Variants in GLYR1 observed in about 807,000 individuals in gnomAD.
GLYR1 encodes glyoxylate reductase 1 homolog, also known as cytokine-like nuclear factor N-PAC.
Under a neutral mutation model 72.7 loss-of-function variants are expected in GLYR1, and 21 were observed. The observed-to-expected ratio is 0.29, with a 90% CI of 0.20 to 0.42. The LOEUF (loss-of-function observed/expected upper bound fraction) is 0.42, where lower values mean the gene tolerates loss of function less well. Ranked by LOEUF, GLYR1 falls within the 10% of genes least tolerant of loss-of-function variation. GLYR1 has a pLI of 1.00. For synonymous variants in GLYR1, 392 were observed against 270.2 expected (o/e 1.45, Z -4.42); for missense variants, 594 against 712.1 (o/e 0.83, Z 1.89).
intron 3 of GLYR1, among the ~76,000 whole-genome samples, chr16:4,835,017 T>C (rs1297648320): frequency 6.6e-6 from 1 of 152,080 alleles, no homozygotes; most frequent in Non-Finnish European, 1.5e-5. Flanking sequence ...ACACAACCAG[T>C]ATCAAGGATG....
intron 10 of GLYR1, among the ~76,000 whole-genome samples, chr16:4,815,517 C>A (rs1192468570): frequency 1.3e-5 from 2 of 152,162 alleles, no homozygotes; most frequent in African/African-American, 4.8e-5. Flanking sequence ...AAAATCACAT[C>A]ACCAAACATC....
rs140346622 is a variant in GLYR1 at position 4,835,417 on chromosome 16, A to G, written c.156-2505T>C. Among the ~76,000 whole-genome samples the G allele has an allele frequency of 2.1e-4, 32 of 152,394 alleles. 2 individuals are homozygous for G. In the East Asian group the frequency reaches 6.2e-3, roughly 29 times the overall value. ...TCCTCTTTACAACCATCTTCGAAAC[A>G]TTAAAATGGCTAAATGAACTGACAG... On this transcript the variant is annotated intron_variant, in intron 3 of 15. Coordinates refer to ENST00000321919, the MANE Select transcript of GLYR1 (RefSeq NM_032569.4).
At chr16:4,825,150 A>C (rs1288693623) in intron 5 of GLYR1, among the ~76,000 whole-genome samples, 3 of 152,188 alleles carry the variant, frequency 2.0e-5, no homozygotes, top group Non-Finnish European at 4.4e-5. Context: ...CAAAAGGGCC[A>C]ATCAGATTAT....
intron 1 of GLYR1, 39 bp from the exon 2 acceptor site, chr16:4,846,249 A>G (rs779116628): frequency 3.2e-5 from 52 of 1,610,690 alleles, no homozygotes; most frequent in Non-Finnish European, 4.0e-5. Flanking sequence ...GCCCTGCAAA[A>G]GCCAGTCCAT....
intron 3 of GLYR1, among the ~76,000 whole-genome samples, chr16:4,840,532 AACACAC>A (rs149789441): frequency 1.7e-4 from 26 of 151,310 alleles, no homozygotes; most frequent in African/African-American, 5.8e-4. Flanking sequence ...TTTTCAAACA[AACACAC>A]ACACACACAC....
chr16:4,842,013 G>A (rs1023251866), intron 3 of GLYR1, among the ~76,000 whole-genome samples: 3 of 152,010 alleles, frequency 2.0e-5, no homozygotes, highest in Non-Finnish European at 4.4e-5. Flanking sequence ...AGGCCGAGGC[G>A]GGCAGATCAC....
In GLYR1 at chr16:4,832,843, C is replaced by T. The variant is rs1283386649; in HGVS notation, c.225G>A (p.Lys75=). 2.5e-6 allele frequency: 4 copies of T among 1,613,626 alleles called. No individual in the cohort carries two copies. Among genetic ancestry groups the T allele is most frequent in the African/African-American group, 2.7e-5 (2 of 74,906 alleles). The change falls in exon 4 of 16, where the codon AAG becomes AAA. Residue 75 remains lysine, a synonymous_variant. Transcript: ENST00000321919. ...CTACCGCTTGCTGGAATCGTTTACC[C>T]TTGTTAATTTTTATCATTTCCTCTT... ...AHKEEMIKIN[K]GKRFQQAVDA...
At chr16:4,808,171 G>A (rs1269459894) in intron 15 of GLYR1, among the ~76,000 whole-genome samples, 1 of 151,502 alleles carries the variant, frequency 6.6e-6, no homozygotes, top group Non-Finnish European at 1.5e-5. Context: ...AAGAGGTGGG[G>A]GCTGCAGTGA....
Position 4,831,847 on chromosome 16 carries a change from A to G in GLYR1, c.537+132T>C, listed in dbSNP as rs74498145. The G allele has an allele frequency of 5.3e-6, 7 of 1,310,028 alleles. No individual in the cohort carries two copies. In the East Asian group the frequency reaches 1.7e-4, roughly 32 times the overall value. The allele number at this position is 1,310,028 out of a possible 1,614,324, so 81.2% of individuals were successfully genotyped here. On this transcript the variant is annotated intron_variant, in intron 5 of 15. Coordinates refer to ENST00000321919, the MANE Select transcript of GLYR1 (RefSeq NM_032569.4). ...CCGCACCTGCCCTGCAGGATTCTTG[A>G]GCACAGAATTCTGCTCCCACTCCAT...
intron 7 of GLYR1, 71 bp from the exon 8 acceptor site, chr16:4,821,668 A>C (rs1596339760): frequency 1.4e-6 from 2 of 1,429,444 alleles, no homozygotes; most frequent in East Asian, 4.5e-5. Context: ...TAATCCCCTC[A>C]AAGGTTAGAC....
chr16:4,846,829 G>C lies in GLYR1; in HGVS notation c.38+399C>G, dbSNP rs1362361185. 7 of 290,162 alleles carry C rather than the reference G, an allele frequency of 2.4e-5. No individual in the cohort carries two copies. In the East Asian group the frequency reaches 7.4e-4, roughly 31 times the overall value. 18.0% of individuals were successfully genotyped at this position (290,162 alleles called of 1,614,324 possible). On this transcript the variant is annotated intron_variant, in intron 1 of 15. Transcript: ENST00000321919. ...TCGGCTGCATCGCAACCTGGGCTTT[G>C]ACCGAATGGCACCGGCCAGATCTCG... is the stretch of plus-strand genomic sequence containing the variant.
intron 9 of GLYR1, among the ~76,000 whole-genome samples, chr16:4,818,166 T>G (rs1031356154): frequency 1.3e-5 from 2 of 152,182 alleles, no homozygotes; most frequent in African/African-American, 4.8e-5. Flanking sequence ...AGCTAATTTT[T>G]GTATTTTTAG....
Position 4,838,527 on chromosome 16 carries a change from A to C in GLYR1, c.156-5615T>G, listed in dbSNP as rs1043291721. ...GGTTGGTTTCTGGTGGCTTCTAAGCACCTGTAATTTAAATGAACACTCCCT... is the reference window on the plus strand; with the variant it reads ...GGTTGGTTTCTGGTGGCTTCTAAGCCCCTGTAATTTAAATGAACACTCCCT... On this transcript the variant is annotated intron_variant, in intron 3 of 15. Transcript: ENST00000321919. Among the ~76,000 whole-genome samples, 6 of 151,684 alleles carry C rather than the reference A, an allele frequency of 4.0e-5. No individual in the cohort carries two copies. The East Asian group carries it at 5.8e-4, about 15-fold the overall frequency.
At chr16:4,842,716 T>C (rs1363431240) in intron 3 of GLYR1, among the ~76,000 whole-genome samples, 1 of 151,862 alleles carries the variant, frequency 6.6e-6, no homozygotes, top group African/African-American at 2.4e-5. Context: ...TATTTATTTT[T>C]TGAGACAGAG....
rs149911812 is a variant in GLYR1, at chr16:4,806,735, A to G, written c.1588-1425T>C. Among the ~76,000 whole-genome samples the G allele has an allele frequency of 4.9e-3, 750 of 152,198 alleles. 5 individuals carry two copies. Among genetic ancestry groups the G allele is most frequent in the African/African-American group, 0.017 (713 of 41,534 alleles). The stretch of plus-strand genomic sequence containing the variant: ...GGATTTATACCGCAATCTGTAGAGT[A>G]ACCACTAAAAAAAGAATGCAGAGGC... On this transcript the variant is annotated intron_variant, in intron 15 of 15. Transcript: ENST00000321919.
At position 4,805,123 on chromosome 16, in the gene GLYR1, A is replaced by G; in HGVS notation, c.*113T>C. 1.2e-6 allele frequency: 1 copy of G among 853,498 alleles called. No individual in the cohort carries two copies. The highest frequency in any genetic ancestry group is 2.0e-6 in the Non-Finnish European group (1 of 507,790). The allele number at this position is 853,498 out of a possible 1,614,324, so 52.9% of individuals were successfully genotyped here. On this transcript the variant is annotated 3_prime_UTR_variant, in exon 16 of 16. Transcript: ENST00000321919. ...TGGCAAGTCTCAAAGTCTGTATAAAAGGAAATGGAGATAGGTGGGCTGGTC... is the reference window on the plus strand; with the variant it reads ...TGGCAAGTCTCAAAGTCTGTATAAAGGGAAATGGAGATAGGTGGGCTGGTC...
At chr16:4,825,942 G>A (rs137881301) in intron 5 of GLYR1, among the ~76,000 whole-genome samples, 9,822 of 152,284 alleles carry the variant, frequency 0.064, 343 homozygotes, top group Non-Finnish European at 0.085. Flanking sequence ...GTGAGCCACT[G>A]CACCCAGCCC....
Position 4,847,230 on chromosome 16 carries a change from C to T in GLYR1, c.36G>A (p.Val12=). Residue 12 remains valine, a splice_region_variant and synonymous_variant, in exon 1 of 16, where the codon GTG becomes GTA. Coordinates refer to ENST00000321919, the MANE Select transcript of GLYR1 (RefSeq NM_032569.4). The part of the protein sequence containing the change: ...AAVSLRLGDL[V]WGKLGRYPPW... ...TTGGCCCGGCCGCTCGGACTCACCA[C>T]ACCAAGTCGCCGAGCCGCAGACTCA... The T allele has an allele frequency of 3.1e-6, 5 of 1,607,490 alleles. No individual in the cohort carries two copies. The highest frequency in any genetic ancestry group is 4.2e-6 in the Non-Finnish European group (5 of 1,178,172).
At chr16:4,846,800 C>G (rs552764870) in intron 1 of GLYR1, 2 of 259,534 alleles carry the variant, frequency 7.7e-6, no homozygotes, top group East Asian at 1.3e-4. Context: ...GCCGGCCGCA[C>G]AGGTCGGCTG....
Sources: allele counts gnomAD v4.1 joint callset (sites outside exome capture counted in the v4.1 genomes callset), GRCh38; gene constraint gnomAD v4.1.1; transcripts MANE v1.5; gene names NCBI Gene and HGNC (gene_info 2026-07-23, HGNC 2026-07-21).